MYO9A: variants seen among roughly 807,000 people sequenced by gnomAD.
MYO9A encodes myosin IXA, also known as unconventional myosin-IXa.
A neutral mutation model predicts 293.3 loss-of-function variants in MYO9A; 103 were observed. The observed-to-expected ratio is 0.35, with a 90% CI of 0.30 to 0.41. The LOEUF (loss-of-function observed/expected upper bound fraction) is 0.41, where lower values mean the gene tolerates loss of function less well. MYO9A is among the 10% of genes least tolerant of loss of function. The pLI is 1.00. For synonymous variants in MYO9A, 1,001 were observed against 1,035.7 expected, an observed-to-expected ratio of 0.97 and a Z score of 0.64; for missense variants, 2,685 against 3,033.0, an observed-to-expected ratio of 0.89 and a Z score of 2.69.
At chr15:71,931,291 A>C (rs1471314451) in intron 18 of MYO9A, among the ~76,000 whole-genome samples, 1 of 152,208 alleles carries the variant, frequency 6.6e-6, no homozygotes, top group Non-Finnish European at 1.5e-5. Flanking sequence ...CAGGTCTAGC[A>C]GTGCTGAATT....
rs545836312 is a variant in MYO9A, at chr15:72,017,113, T to C, written c.1155+1926A>G. On this transcript the variant is annotated intron_variant, in intron 6 of 41. Coordinates refer to ENST00000356056, the MANE Select transcript of MYO9A (RefSeq NM_006901.4). ...TTGTCTCGCTGTAGCCTCAACCTCC[T>C]GGGCTCAAGCAATCTGCCTGCCTCA... is the stretch of plus-strand genomic sequence containing the variant. Among the ~76,000 whole-genome samples the C allele has an allele frequency of 7.7e-5, 11 of 142,228 alleles. No homozygotes were observed. In the East Asian group the frequency reaches 2.5e-3, roughly 33 times the overall value. 93.3% of individuals were successfully genotyped at this position (142,228 alleles called of 152,430 possible). A position where few individuals can be genotyped will look rare whatever the true frequency, so the allele number is the denominator to read the frequency against.
intron 32 of MYO9A, among the ~76,000 whole-genome samples, chr15:71,868,289 C>G (rs774792541): frequency 1.2e-4 from 19 of 152,302 alleles, no homozygotes; most frequent in Non-Finnish European, 2.5e-4. Context: ...GCTCAACACC[C>G]TCCTTTCTCC....
chr15:71,966,265 A>AGTGTGT (rs377708464), intron 13 of MYO9A, among the ~76,000 whole-genome samples: 40,696 of 134,682 alleles, frequency 0.3, 6,913 homozygotes, highest in Middle Eastern at 0.44. Flanking sequence ...ATCCCAGGCA[A>AGTGTGT]GTGTGTGTGT....
At chr15:72,020,083 A>G (rs756296938) in intron 5 of MYO9A, among the ~76,000 whole-genome samples, 4 of 152,064 alleles carry the variant, frequency 2.6e-5, no homozygotes, top group Non-Finnish European at 5.9e-5. Flanking sequence ...CTAAATATAT[A>G]CTGCTATCTG....
intron 39 of MYO9A, among the ~76,000 whole-genome samples, chr15:71,840,453 T>C (rs1033907119): frequency 2.6e-5 from 4 of 152,164 alleles, no homozygotes; most frequent in Non-Finnish European, 2.9e-5. Context: ...GTGGAGCCCA[T>C]GGTAGTCATA....
At chr15:71,933,642 A>G (rs762777606) in intron 18 of MYO9A, 28 bp downstream of exon 18, 1 of 1,595,058 alleles carries the variant, frequency 6.3e-7, no homozygotes, top group South Asian at 1.1e-5. Flanking sequence ...CAGAATACCA[A>G]TACAAAAAAA....
intron 2 of MYO9A, among the ~76,000 whole-genome samples, chr15:72,038,976 T>G (rs1183468162): frequency 1.3e-5 from 2 of 152,078 alleles, no homozygotes; most frequent in African/African-American, 2.4e-5. Context: ...AAGATAGATA[T>G]AAGTAGATAT....
chr15:71,975,992 C>T (rs907400007), intron 12 of MYO9A, among the ~76,000 whole-genome samples: 1 of 152,184 alleles, frequency 6.6e-6, no homozygotes, highest in Admixed American at 6.5e-5. Flanking sequence ...GTTTCGTTTT[C>T]CCTGAGTTCT....
In MYO9A at chr15:71,898,758, C is replaced by T; in HGVS notation, c.3745G>A (p.Asp1249Asn). The T allele has an allele frequency of 6.2e-7, 1 of 1,614,140 alleles. No individual in the cohort carries two copies. The highest frequency in any genetic ancestry group is 8.5e-7 in the Non-Finnish European group (1 of 1,179,990). Reference protein sequence around the residue: ...QSQSGVDLQEDVLVRERPRSL... With the variant: ...QSQSGVDLQENVLVRERPRSL... ...CTGGGTCTCTCTCTTACAAGCACAT[C>T]TTCCTGCAAGTCCACACCACTCTGG... Residue 1249 changes from aspartate to asparagine, a missense_variant, in exon 25 of 42, where the codon GAT becomes AAT. Physicochemically the swap from Asp to Asn is conservative, Grantham distance 23. Around this residue, in one of 10 missense-constraint regions of MYO9A, gnomAD observed 1,434 missense variants for 1,497.7 expected, o/e 0.96. Transcript: ENST00000356056.
intron 15 of MYO9A, among the ~76,000 whole-genome samples, chr15:71,949,916 T>C (rs1365143659): frequency 1.3e-5 from 2 of 152,080 alleles, no homozygotes; most frequent in Non-Finnish European, 2.9e-5. Flanking sequence ...AAGCTACAAA[T>C]TCACAATTCT....
chr15:72,112,860 G>C (rs528681322), intron 1 of MYO9A, among the ~76,000 whole-genome samples: 1 of 152,128 alleles, frequency 6.6e-6, no homozygotes, highest in Admixed American at 6.5e-5. Flanking sequence ...AGTTACACTG[G>C]TATGTTCTTA....
chr15:71,950,615 A>G (rs560942525), intron 15 of MYO9A, among the ~76,000 whole-genome samples: 17 of 152,372 alleles, frequency 1.1e-4, no homozygotes, highest in African/African-American at 4.1e-4. Flanking sequence ...TTTTAAAACA[A>G]AACACTTACC....
chr15:71,901,452 G>T, intron 22 of MYO9A, 112 bp from the exon 23 acceptor site: 1 of 1,072,238 alleles, frequency 9.3e-7, no homozygotes, highest in Non-Finnish European at 1.3e-6. Flanking sequence ...ACAGTGGCAG[G>T]CATGTAAATG....
intron 19 of MYO9A, among the ~76,000 whole-genome samples, chr15:71,905,762 CAAAAAAAAAAAAAA>C (rs3086807): frequency 2.8e-5 from 2 of 71,896 alleles, no homozygotes; most frequent in South Asian, 1.5e-3. Flanking sequence ...GACTCTGTCT[CAAAAAAAAAAAAAA>C]AAAAAAAAAA....
At chr15:71,869,081 C>G (rs2056427989) in intron 32 of MYO9A, among the ~76,000 whole-genome samples, 1 of 151,994 alleles carries the variant, frequency 6.6e-6, no homozygotes, top group Admixed American at 6.6e-5. Context: ...TAAAAAATCA[C>G]TATTTAGCAA....
In MYO9A at chr15:72,053,182, T is replaced by C. The variant is rs549919475; in HGVS notation, c.-71-6548A>G. On this transcript the variant is annotated intron_variant, in intron 1 of 41. Coordinates refer to ENST00000356056, the MANE Select transcript of MYO9A (RefSeq NM_006901.4). Reference sequence around the variant, plus strand: ...TGGGAGGCCAAGGCAGGCGGATCACTTAAGGTCAGGAGATCGAGACCAGCC... The same window carrying C: ...TGGGAGGCCAAGGCAGGCGGATCACCTAAGGTCAGGAGATCGAGACCAGCC... 7.2e-5 allele frequency among the ~76,000 whole-genome samples: 11 copies of C among 152,174 alleles called. No individual in the cohort carries two copies. The South Asian group carries it at 2.1e-3, about 29-fold the overall frequency.
At chr15:71,924,972 G>A (rs897878862) in intron 18 of MYO9A, among the ~76,000 whole-genome samples, 1 of 151,936 alleles carries the variant, frequency 6.6e-6, no homozygotes, top group African/African-American at 2.4e-5. Context: ...CAACTGCTGG[G>A]CAGAATGTTT....
chr15:71,829,924 G>A (rs979245605), intron 40 of MYO9A, among the ~76,000 whole-genome samples, 185 bp downstream of exon 40: 3 of 151,920 alleles, frequency 2.0e-5, no homozygotes, highest in African/African-American at 7.3e-5. Flanking sequence ...CTTCCCAGAG[G>A]GAACAACTCT....
At chr15:71,965,997 C>T (rs1484997426) in intron 13 of MYO9A, among the ~76,000 whole-genome samples, 3 of 152,088 alleles carry the variant, frequency 2.0e-5, no homozygotes, top group African/African-American at 7.2e-5. Flanking sequence ...CTATCTCACC[C>T]TCCTCAGTAG....
Sources: gnomAD v4.1 joint callset for allele counts (sites outside exome capture counted in the v4.1 genomes callset) on GRCh38, gnomAD v4.1.1 for gene constraint, gnomAD v4.1.1 regional missense constraint, MANE v1.5 for transcripts, NCBI Gene and HGNC (gene_info 2026-07-23, HGNC 2026-07-21) for gene names.